ADGRL3: variants seen among roughly 807,000 people sequenced by gnomAD.
The protein encoded by ADGRL3 is calcium-independent alpha-latrotoxin receptor 3.
A neutral mutation model predicts 153.5 loss-of-function variants in ADGRL3; 62 were observed. The observed-to-expected ratio is 0.40, with a 90% CI of 0.33 to 0.50. The LOEUF is 0.50. Ranked by LOEUF, ADGRL3 falls within the 20% of genes least tolerant of loss-of-function variation. The probability of loss-of-function intolerance (pLI) is 0.47; values close to 1 mark genes in which losing one functional copy is unlikely to be tolerated. For missense variants in ADGRL3, 1,641 were observed against 1,859.4 expected, an observed-to-expected ratio of 0.88 and a Z score of 2.16; for synonymous variants, 710 against 672.5, an observed-to-expected ratio of 1.06 and a Z score of -0.86.
At chr4:61,775,952 G>A in intron 8 of ADGRL3, 1 of 176,920 alleles carries the variant, frequency 5.7e-6, no homozygotes, top group East Asian at 1.4e-4. Context: ...CCAGGCTGGA[G>A]TGCAGTGGCA....
At chr4:61,856,598 CTCTCTCTTTTTTTTTTT>C (rs1200094024) in intron 9 of ADGRL3, among the ~76,000 whole-genome samples, 20 of 56,940 alleles carry the variant, frequency 3.5e-4, no homozygotes, top group Non-Finnish European at 4.6e-4. Flanking sequence ...CTCTCTCTCT[CTCTCTCTTTTTTTTTTT>C]TTTTTTTTTT....
At chr4:61,256,774 A>G (rs1001191876) in intron 1 of ADGRL3, among the ~76,000 whole-genome samples, 24 of 152,194 alleles carry the variant, frequency 1.6e-4, no homozygotes, top group Admixed American at 3.9e-4. Flanking sequence ...TTAAAATCAC[A>G]TTTTAAAAAT....
chr4:61,699,076 A>G (rs2095699267), intron 6 of ADGRL3, among the ~76,000 whole-genome samples: 1 of 152,150 alleles, frequency 6.6e-6, no homozygotes, highest in Non-Finnish European at 1.5e-5. Flanking sequence ...AGTCTTGAGC[A>G]CTTTAAAACA....
chr4:61,720,225 G>C (rs961946370), intron 6 of ADGRL3, among the ~76,000 whole-genome samples: 1 of 151,246 alleles, frequency 6.6e-6, no homozygotes, highest in African/African-American at 2.4e-5. Flanking sequence ...GAGTAGCTGG[G>C]ACTACAGGCG....
At chr4:61,772,354 A>G (rs1055880979) in intron 8 of ADGRL3, among the ~76,000 whole-genome samples, 7 of 152,188 alleles carry the variant, frequency 4.6e-5, no homozygotes, top group Admixed American at 6.5e-5. Flanking sequence ...TGACCTAGCC[A>G]ATGCAGTCCC....
chr4:62,027,671 C>T (rs539190781), intron 21 of ADGRL3, among the ~76,000 whole-genome samples: 1 of 151,898 alleles, frequency 6.6e-6, no homozygotes, highest in Non-Finnish European at 1.5e-5. Context: ...TTTGTATTTT[C>T]GGTGTGATTT....
chr4:61,248,048 GAA>G (rs1463072466), intron 1 of ADGRL3, among the ~76,000 whole-genome samples: 1 of 152,086 alleles, frequency 6.6e-6, no homozygotes, highest in East Asian at 1.9e-4. Flanking sequence ...CCCTGTACAA[GAA>G]GAGTGTAGTA....
At chr4:61,711,936 C>T (rs938677873) in intron 6 of ADGRL3, among the ~76,000 whole-genome samples, 8 of 151,966 alleles carry the variant, frequency 5.3e-5, no homozygotes, top group Non-Finnish European at 1.2e-4. Context: ...AGAATAGATG[C>T]CATTTTCAGT....
chr4:61,392,546 C>A (rs2096821924), intron 2 of ADGRL3, among the ~76,000 whole-genome samples: 1 of 151,340 alleles, frequency 6.6e-6, no homozygotes, highest in Non-Finnish European at 1.5e-5. Context: ...ACTAGCTGGG[C>A]ATGGTGGCTT....
chr4:61,369,014 T>G (rs372735188), intron 1 of ADGRL3, among the ~76,000 whole-genome samples: 21 of 152,110 alleles, frequency 1.4e-4, no homozygotes, highest in Middle Eastern at 3.4e-3. Flanking sequence ...GTTCACTCAT[T>G]ATTTGGCTCT....
intron 6 of ADGRL3, among the ~76,000 whole-genome samples, chr4:61,714,632 A>T (rs936849173): frequency 2.6e-5 from 4 of 151,972 alleles, no homozygotes; most frequent in Non-Finnish European, 5.9e-5. Context: ...ACTGGTAAAG[A>T]TTGTCCTCAA....
At chr4:61,830,205 G>A (rs1447001538) in intron 9 of ADGRL3, among the ~76,000 whole-genome samples, 13 of 151,702 alleles carry the variant, frequency 8.6e-5, no homozygotes, top group Admixed American at 7.9e-4. Context: ...GCAGGGTTTT[G>A]CCATGTTGCC....
intron 17 of ADGRL3, among the ~76,000 whole-genome samples, chr4:61,951,843 C>T (rs949069832): frequency 2.0e-5 from 3 of 152,018 alleles, no homozygotes; most frequent in African/African-American, 7.2e-5. Flanking sequence ...CCAGTTTGAG[C>T]GACCAAGCAA....
chr4:61,284,831 A>T (rs1478281155), intron 1 of ADGRL3, among the ~76,000 whole-genome samples: 1 of 151,706 alleles, frequency 6.6e-6, no homozygotes, highest in Middle Eastern at 3.4e-3. Context: ...TATATATATA[A>T]ATCAACAAAG....
chr4:62,016,614 G>A (rs1211878832), intron 21 of ADGRL3, among the ~76,000 whole-genome samples: 2 of 151,984 alleles, frequency 1.3e-5, no homozygotes, highest in Non-Finnish European at 2.9e-5. Flanking sequence ...TTAATATCTG[G>A]TAGGGCGAAT....
At chr4:61,889,513 C>T (rs181109303) in intron 9 of ADGRL3, among the ~76,000 whole-genome samples, 105 of 152,204 alleles carry the variant, frequency 6.9e-4, no homozygotes, top group African/African-American at 2.2e-3. Flanking sequence ...AGTAAACTAA[C>T]ATATTCCAAC....
chr4:61,424,942 AC>A (rs1181280142), intron 2 of ADGRL3, among the ~76,000 whole-genome samples: 1 of 152,142 alleles, frequency 6.6e-6, no homozygotes, highest in African/African-American at 2.4e-5. Flanking sequence ...TGTGGGAAGC[AC>A]AGTGGCAGGC....
chr4:61,388,210 C>T (rs376699118), intron 2 of ADGRL3, among the ~76,000 whole-genome samples: 4 of 152,122 alleles, frequency 2.6e-5, no homozygotes, highest in Admixed American at 2.6e-4. Flanking sequence ...GGTATCTATC[C>T]TCTCTTTGCT....
chr4:61,270,575 G>A (rs866642247), intron 1 of ADGRL3, among the ~76,000 whole-genome samples: 117 of 151,854 alleles, frequency 7.7e-4, no homozygotes, highest in African/African-American at 2.6e-3. Flanking sequence ...TAGACTTTGC[G>A]TATAACATAG....
Sources: allele counts gnomAD v4.1 joint callset (sites outside exome capture counted in the v4.1 genomes callset), GRCh38; gene constraint gnomAD v4.1.1; transcripts MANE v1.5; gene names NCBI Gene and HGNC (gene_info 2026-07-23, HGNC 2026-07-21).